The following CDKL1 variants were observed in gnomAD, a reference collection of about 807,000 sequenced individuals.
CDKL1 encodes cyclin-dependent kinase-like 1.
In CDKL1, 41 loss-of-function variants were observed where a neutral mutation model predicts 42.0. That is an observed-to-expected ratio of 0.98 (90% CI 0.76 to 1.27). The LOEUF is 1.27. CDKL1 is among the 50% of genes most tolerant of loss of function. The probability of loss-of-function intolerance (pLI) is 0.00; values close to 1 mark genes in which losing one functional copy is unlikely to be tolerated. For synonymous variants in CDKL1, 153 were observed against 158.6 expected (o/e 0.96, Z 0.26); for missense variants, 394 against 428.4 (o/e 0.92, Z 0.71).
At chr14:50,353,891 T>C (rs552903275) in intron 3 of CDKL1, among the ~76,000 whole-genome samples, 19 of 151,946 alleles carry the variant, frequency 1.3e-4, no homozygotes, top group African/African-American at 4.3e-4. Flanking sequence ...TTTATTTAAC[T>C]AAATAAAAAC....
At position 50,327,898 on chromosome 14, in the gene CDKL1, C is replaced by T. The variant is rs1458994890; in HGVS notation, c.*2176G>A. ...ATAACACAGTATAAATGGTAATTGCCACTGTCATTTTAAAAATCAGAAAAT... is the reference window on the plus strand; with the variant it reads ...ATAACACAGTATAAATGGTAATTGCTACTGTCATTTTAAAAATCAGAAAAT... On this transcript the variant is annotated 3_prime_UTR_variant, in exon 10 of 10. Transcript: ENST00000395834. 3 of 152,032 alleles carry T rather than the reference C, an allele frequency of 2.0e-5. No homozygotes were observed. The highest frequency in any genetic ancestry group is 7.2e-5 in the African/African-American group (3 of 41,392). 9.4% of individuals were successfully genotyped at this position (152,032 alleles called of 1,614,324 possible). A position where few individuals can be genotyped will look rare whatever the true frequency, so the allele number is the denominator to read the frequency against.
chr14:50,337,284 C>T (rs1220768476), intron 7 of CDKL1, among the ~76,000 whole-genome samples: 4 of 151,412 alleles, frequency 2.6e-5, no homozygotes, highest in Admixed American at 6.6e-5. Context: ...GCTGGGATTA[C>T]AGGCGTGAGC....
intron 3 of CDKL1, among the ~76,000 whole-genome samples, chr14:50,352,780 C>G (rs777557416): frequency 6.6e-6 from 1 of 152,174 alleles, no homozygotes; most frequent in Admixed American, 6.5e-5. Flanking sequence ...CATACCAAGA[C>G]AGTATCCATT....
At chr14:50,381,703 G>T (rs1327157507) in intron 2 of CDKL1, among the ~76,000 whole-genome samples, 1 of 152,208 alleles carries the variant, frequency 6.6e-6, no homozygotes, top group East Asian at 1.9e-4. Flanking sequence ...TATTTCATTG[G>T]TTTTTATGTG....
rs2033496421 is a variant in CDKL1, at chr14:50,341,016, C to CA, written c.655+15dup. The CA allele has an allele frequency of 6.2e-7, 1 of 1,608,982 alleles. No homozygotes were observed. The highest frequency in any genetic ancestry group is 8.5e-7 in the Non-Finnish European group (1 of 1,179,834). On this transcript the variant is annotated intron_variant, in intron 6 of 9. Coordinates refer to ENST00000395834, the MANE Select transcript of CDKL1 (RefSeq NM_004196.7). ...ATATCCAGTTTTCCAAAAGGTGGGA[C>CA]AAAAACACCACTTACCCAAGGTCTT... is the stretch of plus-strand genomic sequence containing the variant.
chr14:50,364,217 C>T (rs777664113), intron 2 of CDKL1, among the ~76,000 whole-genome samples: 3 of 152,230 alleles, frequency 2.0e-5, no homozygotes, highest in Non-Finnish European at 2.9e-5. Flanking sequence ...TGCCTGTAAT[C>T]CCAGCACTTT....
At chr14:50,382,601 T>C (rs1489531888) in intron 2 of CDKL1, among the ~76,000 whole-genome samples, 1 of 147,344 alleles carries the variant, frequency 6.8e-6, no homozygotes, top group Non-Finnish European at 1.5e-5. Context: ...TCTCTCTCTT[T>C]TTTTTTATTT....
rs760993904 is a variant in CDKL1 at position 50,339,045 on chromosome 14, G to GA, written c.656-17dup. 1.7e-5 allele frequency: 26 copies of GA among 1,562,564 alleles called. No homozygotes were observed. The South Asian group carries it at 2.7e-4, about 16-fold the overall frequency. ...ATGAGATCCCCTTTGGACAAGAAAAGAAAAAGGTAAGTGAAATTGGTTAGC... is the reference window on the plus strand; with the variant it reads ...ATGAGATCCCCTTTGGACAAGAAAAGAAAAAAGGTAAGTGAAATTGGTTAGC... On this transcript the variant is annotated splice_polypyrimidine_tract_variant and intron_variant, in intron 6 of 9. Coordinates refer to ENST00000395834, the MANE Select transcript of CDKL1 (RefSeq NM_004196.7).
chr14:50,364,573 G>T (rs948436035), intron 2 of CDKL1, among the ~76,000 whole-genome samples: 6 of 151,956 alleles, frequency 3.9e-5, no homozygotes, highest in African/African-American at 1.5e-4. Flanking sequence ...CCAATTTTTT[G>T]CTATTATAAA....
At chr14:50,387,396 A>C (rs560587667) in intron 2 of CDKL1, among the ~76,000 whole-genome samples, 1 of 148,724 alleles carries the variant, frequency 6.7e-6, no homozygotes, top group African/African-American at 2.5e-5. Flanking sequence ...GGTAGTGGGC[A>C]CCTGTAATCC....
At chr14:50,360,627 C>T (rs1012064432) in intron 2 of CDKL1, among the ~76,000 whole-genome samples, 1 of 152,108 alleles carries the variant, frequency 6.6e-6, no homozygotes, top group Non-Finnish European at 1.5e-5. Flanking sequence ...AGGCTGGTCT[C>T]GAACTCCTGA....
chr14:50,351,017 G>A (rs1341492935), intron 3 of CDKL1, among the ~76,000 whole-genome samples: 1 of 152,140 alleles, frequency 6.6e-6, no homozygotes, highest in Admixed American at 6.5e-5. Context: ...CCTGCTTTGT[G>A]AATTTTGTTT....
At chr14:50,394,178 C>T (rs979554927) in intron 2 of CDKL1, among the ~76,000 whole-genome samples, 2 of 152,286 alleles carry the variant, frequency 1.3e-5, no homozygotes, top group East Asian at 3.9e-4. Context: ...GGTAAATGAA[C>T]CCTTTGAAAT....
chr14:50,363,029 A>C, intron 2 of CDKL1: 1 of 444,346 alleles, frequency 2.3e-6, no homozygotes, highest in Non-Finnish European at 4.8e-6. Context: ...CAGGGAGACC[A>C]CGAACCCACT....
Position 50,396,057 on chromosome 14 carries a change from G to C in CDKL1, c.-189C>G. 9.3e-7 allele frequency: 1 copy of C among 1,073,650 alleles called. No individual in the cohort carries two copies. Among genetic ancestry groups the C allele is most frequent in the Non-Finnish European group, 1.3e-6 (1 of 796,240 alleles). The allele number at this position is 1,073,650 out of a possible 1,614,324, so 66.5% of individuals were successfully genotyped here. On this transcript the variant is annotated 5_prime_UTR_variant, in exon 2 of 10. Coordinates refer to ENST00000395834, the MANE Select transcript of CDKL1 (RefSeq NM_004196.7). The stretch of plus-strand genomic sequence containing the variant: ...AAAAATTAGCCGGGTGTGGTGATGG[G>C]CGCCCGTAGTCCCAGCAACTCAGGA...
intron 2 of CDKL1, among the ~76,000 whole-genome samples, chr14:50,361,781 G>C (rs745565062): frequency 1.3e-5 from 2 of 152,238 alleles, no homozygotes; most frequent in Non-Finnish European, 2.9e-5. Flanking sequence ...TGTGAGAGGT[G>C]ACAGCATGCT....
chr14:50,346,891 C>T (rs1030049216), intron 3 of CDKL1, among the ~76,000 whole-genome samples: 1 of 152,008 alleles, frequency 6.6e-6, no homozygotes, highest in Admixed American at 6.6e-5. Context: ...TCAAGTGATA[C>T]GCCCACCTCA....
In CDKL1 at chr14:50,328,367, C is replaced by A. The variant is rs1246853842; in HGVS notation, c.*1707G>T. On this transcript the variant is annotated 3_prime_UTR_variant, in exon 10 of 10. Coordinates refer to ENST00000395834, the MANE Select transcript of CDKL1 (RefSeq NM_004196.7). ...GCAAGAAAAGACATACATTAGGAAG[C>A]CTTAGGATATCATTAAACTGCCTAG... 1 of 152,008 alleles carries A rather than the reference C, an allele frequency of 6.6e-6. No individual in the cohort carries two copies. Among genetic ancestry groups the A allele is most frequent in the African/African-American group, 2.4e-5 (1 of 41,352 alleles). 9.4% of individuals were successfully genotyped at this position (152,008 alleles called of 1,614,324 possible).
intron 2 of CDKL1, among the ~76,000 whole-genome samples, chr14:50,374,852 C>T (rs2034685994): frequency 6.6e-6 from 1 of 151,988 alleles, no homozygotes; most frequent in South Asian, 2.1e-4. Context: ...ATAGAAGGAA[C>T]CAGGGATCCA....
Sources: allele counts gnomAD v4.1 joint callset (sites outside exome capture counted in the v4.1 genomes callset), GRCh38; gene constraint gnomAD v4.1.1; transcripts MANE v1.5; gene names NCBI Gene and HGNC (gene_info 2026-07-23, HGNC 2026-07-21).